XKR9: variants seen among roughly 807,000 people sequenced by gnomAD.
XKR9 encodes XK related 9.
In XKR9, 32 loss-of-function variants were observed where a neutral mutation model predicts 32.0. That is an observed-to-expected ratio of 1.00 (90% CI 0.76 to 1.34). The LOEUF (loss-of-function observed/expected upper bound fraction) is 1.34, where lower values mean the gene tolerates loss of function less well. Ranked by LOEUF, XKR9 falls within the 40% of genes most tolerant of loss-of-function variation. XKR9 has a pLI of 0.00. For synonymous variants in XKR9, 168 were observed against 143.4 expected (o/e 1.17, Z -1.22); for missense variants, 546 against 429.7 (o/e 1.27, Z -2.39).
intron 2 of XKR9, among the ~76,000 whole-genome samples, chr8:70,755,652 C>T (rs1174999912): frequency 4.0e-5 from 6 of 150,068 alleles, no homozygotes; most frequent in South Asian, 2.1e-4. Flanking sequence ...AGTAAACTAT[C>T]GGAAGGACAA....
the XKR9 span, among the ~76,000 whole-genome samples, chr8:70,851,985 A>G: frequency 6.6e-6 from 1 of 152,244 alleles, no homozygotes; most frequent in African/African-American, 2.4e-5. Flanking sequence ...CTATCATCAA[A>G]GTGAACAGGC....
the XKR9 span, among the ~76,000 whole-genome samples, chr8:71,032,300 A>AAC: frequency 0.016 from 2,455 of 149,028 alleles, 45 homozygotes; most frequent in Middle Eastern, 0.031. Context: ...AAAAAAAAAA[A>AAC]AAAAAAAACC....
At chr8:70,952,592 G>T in the XKR9 span, among the ~76,000 whole-genome samples, 1 of 152,168 alleles carries the variant, frequency 6.6e-6, no homozygotes, top group African/African-American at 2.4e-5. Context: ...GAGAGAAGAG[G>T]CATTGAAAGG....
At chr8:70,945,315 G>A in the XKR9 span, among the ~76,000 whole-genome samples, 4 of 152,132 alleles carry the variant, frequency 2.6e-5, no homozygotes, top group Non-Finnish European at 4.4e-5. Context: ...CTATGCCTAA[G>A]CTTGAAAACA....
chr8:70,775,897 A>G (rs1807512044), intron 2 of XKR9, among the ~76,000 whole-genome samples: 1 of 151,942 alleles, frequency 6.6e-6, no homozygotes, highest in Non-Finnish European at 1.5e-5. Flanking sequence ...AGTGTGTGCC[A>G]CTATGTTCGG....
chr8:70,937,803 C>T, the XKR9 span, among the ~76,000 whole-genome samples: 1 of 152,096 alleles, frequency 6.6e-6, no homozygotes, highest in African/African-American at 2.4e-5. Context: ...AGCACACTGA[C>T]CTCTAGTAAA....
chr8:70,926,337 T>C, the XKR9 span, among the ~76,000 whole-genome samples: 78 of 152,288 alleles, frequency 5.1e-4, no homozygotes, highest in African/African-American at 1.9e-3. Context: ...TCCCAAAATG[T>C]TGGGATTACA....
At chr8:70,864,396 A>G in the XKR9 span, among the ~76,000 whole-genome samples, 2 of 152,210 alleles carry the variant, frequency 1.3e-5, no homozygotes, top group Admixed American at 1.3e-4. Context: ...GTATGATTCT[A>G]TGAGCATTGT....
intron 4 of XKR9, among the ~76,000 whole-genome samples, chr8:70,715,732 A>C (rs1224746511): frequency 1.3e-5 from 2 of 152,186 alleles, no homozygotes; most frequent in Admixed American, 1.3e-4. Flanking sequence ...AAAGTAATGT[A>C]CTAAGGATAG....
intron 3 of XKR9, among the ~76,000 whole-genome samples, chr8:70,705,434 C>T (rs112563014): frequency 3.9e-5 from 6 of 152,028 alleles, no homozygotes; most frequent in African/African-American, 1.4e-4. Context: ...GTGGTATGAT[C>T]TGGTAGGCAT....
At chr8:70,952,332 T>A in the XKR9 span, among the ~76,000 whole-genome samples, 2 of 152,094 alleles carry the variant, frequency 1.3e-5, no homozygotes, top group Non-Finnish European at 2.9e-5. Context: ...CCCAATTCTG[T>A]CCCCCATGAA....
At chr8:71,016,355 C>T in the XKR9 span, among the ~76,000 whole-genome samples, 693 of 152,074 alleles carry the variant, frequency 4.6e-3, 18 homozygotes, top group Admixed American at 0.038. Context: ...GTTTAAGCCA[C>T]GCAATTAGGA....
chr8:70,882,419 G>A, the XKR9 span, among the ~76,000 whole-genome samples: 14 of 151,580 alleles, frequency 9.2e-5, no homozygotes, highest in Non-Finnish European at 4.4e-5. Flanking sequence ...TTTTTCAAAT[G>A]CGTATACTTT....
the XKR9 span, among the ~76,000 whole-genome samples, chr8:70,929,497 T>A: frequency 6.6e-6 from 1 of 152,182 alleles, no homozygotes; most frequent in African/African-American, 2.4e-5. Flanking sequence ...CTTAGAGCCT[T>A]ACAAGACAGA....
chr8:70,978,707 T>C, the XKR9 span, among the ~76,000 whole-genome samples: 1 of 152,180 alleles, frequency 6.6e-6, no homozygotes. Context: ...CTGGCAGTTA[T>C]GTATCTTGTG....
chr8:70,762,358 C>T (rs1444316222), intron 2 of XKR9, among the ~76,000 whole-genome samples: 2 of 152,150 alleles, frequency 1.3e-5, no homozygotes, highest in Admixed American at 1.3e-4. Flanking sequence ...ACTGCCAGTT[C>T]GTGGCATATT....
chr8:70,686,677 C>G (rs193211111), intron 3 of XKR9, among the ~76,000 whole-genome samples: 2 of 152,222 alleles, frequency 1.3e-5, no homozygotes, highest in East Asian at 3.9e-4. Context: ...CTTTTAGGCT[C>G]AAGTGATCCG....
the XKR9 span, among the ~76,000 whole-genome samples, chr8:70,864,828 A>G: frequency 6.6e-6 from 1 of 152,198 alleles, no homozygotes; most frequent in African/African-American, 2.4e-5. Context: ...CGCATTACCC[A>G]GGGTGGATGA....
rs1157036552 is a variant in XKR9 at position 70,680,976 on chromosome 8, G to T, written c.-83G>T. Reference sequence around the variant, plus strand: ...AATTAAAATTCAATGCTATACCAAAGGGTATACTAATATTTGTTTGGCTTT... The same window carrying T: ...AATTAAAATTCAATGCTATACCAAATGGTATACTAATATTTGTTTGGCTTT... On this transcript the variant is annotated 5_prime_UTR_variant, in exon 3 of 5. The change creates a new upstream start codon in the 5' untranslated region. Coordinates refer to ENST00000408926, the MANE Select transcript of XKR9 (RefSeq NM_001011720.2). The T allele has an allele frequency of 5.4e-6, 7 of 1,304,098 alleles. No homozygotes were observed. The African/African-American group carries it at 8.9e-5, about 17-fold the overall frequency. 80.8% of individuals were successfully genotyped at this position (1,304,098 alleles called of 1,614,324 possible).
Sources: allele counts gnomAD v4.1 joint callset (sites outside exome capture counted in the v4.1 genomes callset), GRCh38; gene constraint gnomAD v4.1.1; transcripts MANE v1.5; gene names NCBI Gene and HGNC (gene_info 2026-07-23, HGNC 2026-07-21).